MACROD2: variants seen among roughly 807,000 people sequenced by gnomAD.
MACROD2 encodes the protein ADP-ribose glycohydrolase MACROD2.
In MACROD2, 36 loss-of-function variants were observed where a neutral mutation model predicts 70.4. The ratio of observed to expected loss-of-function variants is 0.51; its 90% CI spans 0.39 to 0.68. The LOEUF (loss-of-function observed/expected upper bound fraction) is 0.68, where lower values mean the gene tolerates loss of function less well. MACROD2 is among the 30% of genes least tolerant of loss of function. The pLI, the probability that MACROD2 is intolerant of heterozygous loss-of-function variation, is 0.00. For missense variants in MACROD2, 496 were observed against 538.4 expected (o/e 0.92, Z 0.78); for synonymous variants, 172 against 178.8 (o/e 0.96, Z 0.30).
chr20:15,611,355 C>A (rs1338132208), intron 8 of MACROD2, among the ~76,000 whole-genome samples: 1 of 152,144 alleles, frequency 6.6e-6, no homozygotes, highest in East Asian at 1.9e-4. Flanking sequence ...GATTCTGCCA[C>A]CAAGCTGTGT....
intron 3 of MACROD2, among the ~76,000 whole-genome samples, chr20:14,197,436 T>G (rs1371827257): frequency 1.3e-5 from 2 of 152,228 alleles, no homozygotes; most frequent in African/African-American, 4.8e-5. Context: ...GAAATTTTCT[T>G]ACCAGCTTAC....
intron 3 of MACROD2, among the ~76,000 whole-genome samples, chr20:14,101,051 A>G (rs2054297748): frequency 6.6e-6 from 1 of 150,806 alleles, no homozygotes; most frequent in East Asian, 1.9e-4. Context: ...TTATCTGATT[A>G]TTTTGGTGAT....
chr20:15,393,904 C>T (rs1568773007), intron 6 of MACROD2, among the ~76,000 whole-genome samples: 1 of 152,164 alleles, frequency 6.6e-6, no homozygotes, highest in Non-Finnish European at 1.5e-5. Flanking sequence ...CATGTCCCCC[C>T]CATGCACATA....
intron 5 of MACROD2, among the ~76,000 whole-genome samples, chr20:14,714,309 T>C (rs909233251): frequency 6.6e-6 from 1 of 151,872 alleles, no homozygotes; most frequent in Non-Finnish European, 1.5e-5. Flanking sequence ...ACCTACCATG[T>C]GCACCTCTCA....
At chr20:14,759,010 G>A (rs1042974631) in intron 5 of MACROD2, among the ~76,000 whole-genome samples, 4 of 151,934 alleles carry the variant, frequency 2.6e-5, no homozygotes, top group East Asian at 1.9e-4. Context: ...CCTTTTTCAA[G>A]TTCATATTCA....
chr20:15,003,711 C>G (rs962272179), intron 5 of MACROD2, among the ~76,000 whole-genome samples: 1 of 152,134 alleles, frequency 6.6e-6, no homozygotes, highest in African/African-American at 2.4e-5. Context: ...CAAACTCAAA[C>G]ACTTTTATAA....
intron 5 of MACROD2, among the ~76,000 whole-genome samples, chr20:15,083,495 G>A (rs79079317): frequency 0.098 from 14,907 of 152,148 alleles, 922 homozygotes; most frequent in Middle Eastern, 0.19. Flanking sequence ...CCCCTGGCAA[G>A]TCTGCATCTT....
chr20:14,089,512 T>A lies in MACROD2; in HGVS notation c.271+3784T>A, dbSNP rs185495616. Among the ~76,000 whole-genome samples the A allele has an allele frequency of 2.7e-3, 408 of 152,336 alleles. 8 individuals carry two copies. Among genetic ancestry groups the A allele is most frequent in the Admixed American group, 0.025 (379 of 15,300 alleles). ...CTGGTCTTAGTTGCTATGAATGAAA[T>A]GATTTCATATTTTAAACTTATTTCT... On this transcript the variant is annotated intron_variant, in intron 3 of 17. Transcript: ENST00000684519.
chr20:15,528,090 C>T (rs184192217), intron 8 of MACROD2, among the ~76,000 whole-genome samples: 1 of 152,240 alleles, frequency 6.6e-6, no homozygotes, highest in Admixed American at 6.5e-5. Context: ...CAATGTTTCT[C>T]AACCTGGGGC....
intron 3 of MACROD2, among the ~76,000 whole-genome samples, chr20:14,350,298 C>T (rs886502027): frequency 6.6e-6 from 1 of 151,998 alleles, no homozygotes; most frequent in South Asian, 2.1e-4. Context: ...TTTTGAGGAA[C>T]CTCAAAACTG....
At chr20:15,843,078 C>CTGTA (rs2064191657) in intron 8 of MACROD2, among the ~76,000 whole-genome samples, 1 of 152,188 alleles carries the variant, frequency 6.6e-6, no homozygotes. Flanking sequence ...CTTAACCTTG[C>CTGTA]TGTACCACAC....
At chr20:15,619,473 G>C (rs1174385052) in intron 8 of MACROD2, 2 of 274,088 alleles carry the variant, frequency 7.3e-6, no homozygotes, top group East Asian at 1.2e-4. Flanking sequence ...AGAGCCCCGG[G>C]CAGGATCATT....
intron 8 of MACROD2, among the ~76,000 whole-genome samples, chr20:15,624,264 A>G (rs1568935807): frequency 6.6e-6 from 1 of 152,242 alleles, no homozygotes; most frequent in Non-Finnish European, 1.5e-5. Flanking sequence ...TTTTCTAGCC[A>G]TGCTGGCAGG....
At chr20:14,838,983 A>C (rs1406753458) in intron 5 of MACROD2, among the ~76,000 whole-genome samples, 1 of 152,102 alleles carries the variant, frequency 6.6e-6, no homozygotes, top group Non-Finnish European at 1.5e-5. Flanking sequence ...TAGAAGCCAT[A>C]TGCTGTGGGT....
At chr20:14,320,301 C>T (rs976696981) in intron 3 of MACROD2, among the ~76,000 whole-genome samples, 8 of 151,982 alleles carry the variant, frequency 5.3e-5, no homozygotes, top group African/African-American at 1.9e-4. Context: ...TCTTTTTTGA[C>T]CCCATTCCAC....
chr20:14,824,756 G>A (rs1489149190), intron 5 of MACROD2, among the ~76,000 whole-genome samples: 1 of 152,046 alleles, frequency 6.6e-6, no homozygotes, highest in Non-Finnish European at 1.5e-5. Context: ...AATTGGGAGG[G>A]GCTACCCATG....
At chr20:15,322,258 GTTTAAT>G in intron 6 of MACROD2, among the ~76,000 whole-genome samples, 1 of 143,772 alleles carries the variant, frequency 7.0e-6, no homozygotes, top group East Asian at 2.0e-4. Context: ...TGGCAAATGA[GTTTAAT>G]TTTATATACC....
intron 12 of MACROD2, among the ~76,000 whole-genome samples, chr20:15,965,312 T>C (rs2066124157): frequency 6.6e-6 from 1 of 152,194 alleles, no homozygotes; most frequent in Admixed American, 6.5e-5. Context: ...ATTTTGGTGA[T>C]AAAACAGATA....
At chr20:14,757,773 C>T (rs1157240088) in intron 5 of MACROD2, 26 of 1,534,742 alleles carry the variant, frequency 1.7e-5, no homozygotes, top group East Asian at 2.3e-5. Context: ...TGGTACCTTC[C>T]CAATGAGGGT....
Sources: gnomAD v4.1 joint callset for allele counts (sites outside exome capture counted in the v4.1 genomes callset) on GRCh38, gnomAD v4.1.1 for gene constraint, MANE v1.5 for transcripts, NCBI Gene and HGNC (gene_info 2026-07-23, HGNC 2026-07-21) for gene names.